ZNF280D: variants seen among roughly 807,000 people sequenced by gnomAD.
ZNF280D encodes the protein suppressor of hairy wing homolog 4.
ZNF280D carries 39 observed loss-of-function variants against 94.7 expected under a neutral mutation model. The ratio of observed to expected loss-of-function variants is 0.41; its 90% confidence interval spans 0.32 to 0.54. The LOEUF is 0.54. ZNF280D is among the 20% of genes least tolerant of loss of function. ZNF280D has a pLI of 0.22. For synonymous variants in ZNF280D, 398 were observed against 377.6 expected (o/e 1.05, Z -0.63); for missense variants, 1,090 against 1,149.3 (o/e 0.95, Z 0.75).
intron 20 of ZNF280D, among the ~76,000 whole-genome samples, chr15:56,636,171 G>C (rs1486878163): frequency 3.9e-5 from 6 of 152,062 alleles, no homozygotes; most frequent in African/African-American, 1.4e-4. Flanking sequence ...AAACACCAAA[G>C]TATACTAATT....
Position 56,631,555 on chromosome 15 carries a change from A to G in ZNF280D, c.2883T>C (p.Asn961=). The G allele has an allele frequency of 6.2e-7, 1 of 1,613,984 alleles. No homozygotes were observed. The highest frequency in any genetic ancestry group is 1.6e-4 in the Middle Eastern group (1 of 6,062). Residue 961 remains asparagine (N), a synonymous_variant, in exon 22 of 22, where the codon AAT becomes AAC. Transcript: ENST00000267807. ...SDQTDDIPGG[N]NPSTTEATVD... is the part of the protein sequence containing the mutation. Reference sequence around the variant, plus strand: ...CTGTTGCCTCTGTTGTGCTAGGGTTATTTCCTCCAGGAATGTCATCTGTTT... The same window carrying G: ...CTGTTGCCTCTGTTGTGCTAGGGTTGTTTCCTCCAGGAATGTCATCTGTTT...
intron 16 of ZNF280D, among the ~76,000 whole-genome samples, chr15:56,662,169 G>A (rs1375532987): frequency 6.6e-6 from 1 of 151,740 alleles, no homozygotes; most frequent in Non-Finnish European, 1.5e-5. Context: ...ATCATTTTGA[G>A]GAATAATAGC....
At chr15:56,648,383 A>G (rs2053021501) in intron 19 of ZNF280D, among the ~76,000 whole-genome samples, 1 of 152,026 alleles carries the variant, frequency 6.6e-6, no homozygotes, top group Non-Finnish European at 1.5e-5. Context: ...TCCCAATCGT[A>G]TGATTGTGTC....
chr15:56,717,196 A>G (rs1364303827), intron 1 of ZNF280D, among the ~76,000 whole-genome samples: 2 of 152,146 alleles, frequency 1.3e-5, no homozygotes, highest in Non-Finnish European at 2.9e-5. Context: ...AAGAATAAAG[A>G]TTGGAGGAAG....
intron 17 of ZNF280D, among the ~76,000 whole-genome samples, chr15:56,658,052 G>A (rs1464948852): frequency 1.3e-5 from 2 of 152,100 alleles, no homozygotes; most frequent in Non-Finnish European, 2.9e-5. Flanking sequence ...CTACAACATA[G>A]ATGAATTTTG....
intron 17 of ZNF280D, 29 bp downstream of exon 17, chr15:56,658,395 G>A (rs2053686109): frequency 6.5e-7 from 1 of 1,540,966 alleles, no homozygotes; most frequent in South Asian, 1.2e-5. Context: ...TTTTTCAATA[G>A]AAAGAGTAAA....
At chr15:56,691,698 T>A (rs778431568) in intron 7 of ZNF280D, among the ~76,000 whole-genome samples, 1 of 152,172 alleles carries the variant, frequency 6.6e-6, no homozygotes, top group Non-Finnish European at 1.5e-5. Context: ...GTGTTAATCA[T>A]GTTACTGAAC....
chr15:56,673,293 C>A (rs1200353412), intron 13 of ZNF280D, among the ~76,000 whole-genome samples: 1 of 151,940 alleles, frequency 6.6e-6, no homozygotes, highest in Non-Finnish European at 1.5e-5. Context: ...AAAATCTGTT[C>A]CTTATTCAGT....
chr15:56,699,059 G>GT (rs34674822), intron 6 of ZNF280D: 45,410 of 152,062 alleles, frequency 0.3, 8,282 homozygotes, highest in African/African-American at 0.52. Context: ...TTTAAGCTGT[G>GT]TAAGTTTGTG....
intron 11 of ZNF280D, among the ~76,000 whole-genome samples, chr15:56,678,156 C>T (rs2055372416): frequency 6.6e-6 from 1 of 151,974 alleles, no homozygotes; most frequent in Admixed American, 6.6e-5. Flanking sequence ...TACAGGCATG[C>T]ACCACCATGC....
intron 20 of ZNF280D, among the ~76,000 whole-genome samples, chr15:56,638,670 A>AT (rs1408259720): frequency 6.6e-6 from 1 of 152,044 alleles, no homozygotes; most frequent in African/African-American, 2.4e-5. Flanking sequence ...GAAAATAGTT[A>AT]TTTTTCAGAA....
At position 56,639,963 on chromosome 15, in the gene ZNF280D, AT is replaced by A. The variant is rs534946551; in HGVS notation, c.2259+2988del. Reference sequence around the variant, plus strand: ...CTTCAGACCCCTTCACTCCCCAGCGATTTTTTTTTTATGTGTGTGAACACTG... The same window carrying A: ...CTTCAGACCCCTTCACTCCCCAGCGATTTTTTTTTATGTGTGTGAACACTG... On this transcript the variant is annotated intron_variant, in intron 20 of 21. Transcript: ENST00000267807. 4.1e-4 allele frequency among the ~76,000 whole-genome samples: 61 copies of A among 150,098 alleles called. No homozygotes were observed. In the South Asian group the frequency reaches 8.3e-3, roughly 20 times the overall value.
chr15:56,697,076 A>G (rs2056792333), intron 6 of ZNF280D, among the ~76,000 whole-genome samples: 1 of 152,228 alleles, frequency 6.6e-6, no homozygotes. Flanking sequence ...TCAAATGCCA[A>G]ACAGCTTATA....
chr15:56,678,007 C>CTTT (rs1198357496), intron 11 of ZNF280D, among the ~76,000 whole-genome samples: 1 of 137,198 alleles, frequency 7.3e-6, no homozygotes, highest in Admixed American at 7.4e-5. Context: ...AATTTTCTTT[C>CTTT]TTTTTTTTTT....
At position 56,677,589 on chromosome 15, in the gene ZNF280D, C is replaced by A; in HGVS notation, c.1248G>T (p.Met416Ile). Reference protein sequence around the residue: ...HMKDNHKPGEMPYVCQVCNYR... With the variant: ...HMKDNHKPGEIPYVCQVCNYR... ...GTATGTGTACCTGGCAGACATATGG[C>A]ATTTCACCAGGTTTATGATTGTCCT... is the stretch of plus-strand genomic sequence containing the variant. The change falls in exon 12 of 22, where the codon ATG becomes ATT. Residue 416 changes from methionine (M) to isoleucine (I), a missense_variant. Around this residue, in one of 3 missense-constraint regions of ZNF280D, gnomAD observed 127 missense variants for 208.6 expected, o/e 0.61. Transcript: ENST00000267807. The A allele has an allele frequency of 6.2e-7, 1 of 1,606,022 alleles. No individual in the cohort carries two copies. The highest frequency in any genetic ancestry group is 8.5e-7 in the Non-Finnish European group (1 of 1,173,866).
At chr15:56,637,832 C>T (rs1204044202) in intron 20 of ZNF280D, among the ~76,000 whole-genome samples, 1 of 150,828 alleles carries the variant, frequency 6.6e-6, no homozygotes, top group Non-Finnish European at 1.5e-5. Flanking sequence ...CACACCACAC[C>T]GAGACAAGTT....
intron 1 of ZNF280D, among the ~76,000 whole-genome samples, chr15:56,722,929 G>A (rs1299649576): frequency 6.6e-6 from 1 of 151,692 alleles, no homozygotes; most frequent in South Asian, 2.1e-4. Flanking sequence ...TCCTTTGTAG[G>A]GACATGGATG....
intron 6 of ZNF280D, among the ~76,000 whole-genome samples, chr15:56,693,932 T>A (rs922563187): frequency 6.6e-6 from 1 of 152,288 alleles, no homozygotes; most frequent in Non-Finnish European, 1.5e-5. Context: ...TTCTGTCTTA[T>A]CAGGCAAATA....
intron 21 of ZNF280D, among the ~76,000 whole-genome samples, chr15:56,634,337 T>A (rs2052244043): frequency 6.6e-6 from 1 of 152,156 alleles, no homozygotes; most frequent in African/African-American, 2.4e-5. Flanking sequence ...TTTGTTCAGA[T>A]CATAATGGAC....
Sources: gnomAD v4.1 joint callset for allele counts (sites outside exome capture counted in the v4.1 genomes callset) on GRCh38, gnomAD v4.1.1 for gene constraint, gnomAD v4.1.1 regional missense constraint, MANE v1.5 for transcripts, NCBI Gene and HGNC (gene_info 2026-07-23, HGNC 2026-07-21) for gene names.